The following CUX1 variants were observed in gnomAD, a reference collection of about 807,000 sequenced individuals.
CUX1 encodes the protein protein CASP.
A neutral mutation model predicts 158.8 loss-of-function variants in CUX1; 31 were observed. The ratio of observed to expected loss-of-function variants is 0.20; its 90% CI spans 0.15 to 0.26. The LOEUF (loss-of-function observed/expected upper bound fraction) is 0.26, where lower values mean the gene tolerates loss of function less well. Ranked by LOEUF, CUX1 falls within the 10% of genes least tolerant of loss-of-function variation. The probability of loss-of-function intolerance (pLI) is 1.00; values close to 1 mark genes in which losing one functional copy is unlikely to be tolerated. For synonymous variants in CUX1, 879 were observed against 862.1 expected (o/e 1.02, Z -0.34); for missense variants, 1,589 against 2,014.6 (o/e 0.79, Z 4.04).
intron 2 of CUX1, among the ~76,000 whole-genome samples, chr7:101,949,922 C>T (rs911335527): frequency 1.5e-4 from 23 of 152,194 alleles, no homozygotes; most frequent in African/African-American, 5.5e-4. Context: ...AGTTCTTGCC[C>T]CTGACTCTCA....
In CUX1 at chr7:101,916,159, T is replaced by A. The variant is rs778447580; in HGVS notation, c.75T>A (p.Asp25Glu). ...CAACGGTATTGGCGAACCGGCAGGA[T>A]GAAAGTGAGCAGTCCAGAAAGCGGC... ...ATATVLANRQ[D>E]ESEQSRKRLI... is the part of the protein sequence containing the mutation. The change falls in exon 2 of 24, where the codon GAT becomes GAA. Residue 25 changes from aspartate to glutamate, a missense_variant. By Grantham distance (45) the Asp-to-Glu change is conservative (BLOSUM62 2). This residue lies in a region of CUX1 where 63 missense variants were observed against 109.2 expected (regional missense o/e 0.58). Transcript: ENST00000292535. This position sits in a 1 kb window ranked among gnomAD's most constrained non-coding sequence, Gnocchi z 4.4. 1 of 1,613,708 alleles carries A rather than the reference T, an allele frequency of 6.2e-7. No homozygotes were observed. The highest frequency in any genetic ancestry group is 8.5e-7 in the Non-Finnish European group (1 of 1,179,872).
At chr7:102,183,790 C>T (rs1419694441) in intron 11 of CUX1, among the ~76,000 whole-genome samples, 7 of 152,238 alleles carry the variant, frequency 4.6e-5, no homozygotes, top group Admixed American at 2.0e-4. Flanking sequence ...TCTGCCCCCA[C>T]GGTCAGAATT....
intron 20 of CUX1, 71 bp downstream of exon 20, chr7:102,205,241 C>G: frequency 8.3e-7 from 1 of 1,202,102 alleles, no homozygotes; most frequent in Non-Finnish European, 1.2e-6. Flanking sequence ...GTGCTGTGGT[C>G]TGTCCCGGCG....
At chr7:102,188,128 G>A (rs1253872990) in intron 11 of CUX1, among the ~76,000 whole-genome samples, 2 of 152,030 alleles carry the variant, frequency 1.3e-5, no homozygotes, top group East Asian at 3.9e-4. Flanking sequence ...GAGCCCAGGA[G>A]TTGGAGGCTG....
chr7:102,268,030 T>C (rs2132773721), intron 14 of CUX1, among the ~76,000 whole-genome samples: 2 of 152,174 alleles, frequency 1.3e-5, no homozygotes, highest in East Asian at 1.9e-4. Flanking sequence ...GTGCCCCCTC[T>C]AGGATGTCTT....
intron 2 of CUX1, among the ~76,000 whole-genome samples, chr7:101,921,507 C>A (rs1804938236): frequency 6.6e-6 from 1 of 152,094 alleles, no homozygotes. Context: ...GATACCCAGG[C>A]TGGACTGCAG....
intron 8 of CUX1, among the ~76,000 whole-genome samples, chr7:102,156,101 A>G (rs1789718581): frequency 1.3e-5 from 2 of 152,324 alleles, no homozygotes; most frequent in South Asian, 4.1e-4. Flanking sequence ...AGTTGATAAG[A>G]CTACCTCAAA....
chr7:102,131,367 C>T (rs1833211347), intron 8 of CUX1, among the ~76,000 whole-genome samples: 1 of 151,838 alleles, frequency 6.6e-6, no homozygotes, highest in Non-Finnish European at 1.5e-5. Context: ...AAAAATTGCT[C>T]AATTGGCCAG....
chr7:101,884,741 A>C (rs569276832), intron 1 of CUX1, among the ~76,000 whole-genome samples: 8 of 152,236 alleles, frequency 5.3e-5, no homozygotes, highest in Non-Finnish European at 8.8e-5. Context: ...ACTTTAGCAT[A>C]GAAAGTGCTA....
intron 1 of CUX1, among the ~76,000 whole-genome samples, chr7:101,830,486 G>T (rs1037956558): frequency 1.3e-5 from 2 of 152,172 alleles, no homozygotes; most frequent in Non-Finnish European, 2.9e-5. Flanking sequence ...TTGAGACAGG[G>T]TCTTGATCTG....
rs782400087 is a variant in CUX1 at position 102,275,319 on chromosome 7, AG to A, written c.1524del (p.Arg509GlyfsTer87). On this transcript the variant is annotated frameshift_variant, in exon 17 of 23. Coordinates refer to the CUX1 transcript ENST00000292538. LOFTEE classifies it high-confidence loss of function. ...TCACTGCTTTCCATCATCTCCAGCC[AG>A]AGGGAGCGCTTCCGTGCCCGGAACC... The A allele has an allele frequency of 1.6e-5, 26 of 1,612,876 alleles. No individual in the cohort carries two copies. The East Asian group carries it at 5.8e-4, about 36-fold the overall frequency.
chr7:102,091,902 C>T (rs561033198), intron 4 of CUX1, among the ~76,000 whole-genome samples: 6 of 152,242 alleles, frequency 3.9e-5, no homozygotes, highest in African/African-American at 1.4e-4. Context: ...ACTACAGGTA[C>T]GTGCCACTAC....
At chr7:101,920,419 G>T (rs1415784862) in intron 2 of CUX1, among the ~76,000 whole-genome samples, 2 of 152,018 alleles carry the variant, frequency 1.3e-5, no homozygotes, top group African/African-American at 2.4e-5. Flanking sequence ...ACCGCGCCTG[G>T]CCGTAGTTTT....
At chr7:102,082,149 C>A (rs559410880) in intron 4 of CUX1, among the ~76,000 whole-genome samples, 10 of 147,236 alleles carry the variant, frequency 6.8e-5, no homozygotes, top group African/African-American at 2.4e-4. Context: ...CACACCTCCA[C>A]CTAACGTCCT....
chr7:101,968,234 A>G (rs140873638), intron 2 of CUX1, among the ~76,000 whole-genome samples: 14 of 152,272 alleles, frequency 9.2e-5, no homozygotes, highest in Admixed American at 2.6e-4. Flanking sequence ...CTTTTAAAAA[A>G]TCTTCACATA....
At chr7:102,148,823 T>A (rs1835299536) in intron 8 of CUX1, among the ~76,000 whole-genome samples, 1 of 151,504 alleles carries the variant, frequency 6.6e-6, no homozygotes, top group Non-Finnish European at 1.5e-5. Context: ...CAATATATAG[T>A]CTTTTTTCCC....
intron 17 of CUX1, chr7:102,277,808 T>TG: frequency 2.1e-6 from 1 of 469,426 alleles, no homozygotes. Context: ...GGGGCCACAG[T>TG]GGGGGAAGGG....
intron 9 of CUX1, among the ~76,000 whole-genome samples, chr7:102,165,356 T>TC (rs1191632165): frequency 6.7e-6 from 1 of 148,322 alleles, no homozygotes; most frequent in East Asian, 2.0e-4. Context: ...AAAGCTTTTT[T>TC]TTTTTTTTTT....
At chr7:102,190,547 C>T (rs1473909622) in intron 12 of CUX1, among the ~76,000 whole-genome samples, 3 of 152,196 alleles carry the variant, frequency 2.0e-5, no homozygotes, top group Non-Finnish European at 4.4e-5. Flanking sequence ...AGACCCTCTA[C>T]GTTCATACAG....
Sources: gnomAD v4.1 joint callset for allele counts (sites outside exome capture counted in the v4.1 genomes callset) on GRCh38, gnomAD v4.1.1 for gene constraint, gnomAD v4.1.1 regional missense constraint, Gnocchi (gnomAD v3.1) non-coding constraint, MANE v1.5 for transcripts, NCBI Gene and HGNC (gene_info 2026-07-23, HGNC 2026-07-21) for gene names.